The following PCSK6 variants were observed in gnomAD, a reference collection of about 807,000 sequenced individuals.
The protein encoded by PCSK6 is paired basic amino acid cleaving enzyme 4.
Under a neutral mutation model 123.3 loss-of-function variants are expected in PCSK6, and 85 were observed. That is an observed-to-expected ratio of 0.69 (90% CI 0.58 to 0.83). PCSK6 has a LOEUF of 0.83. Among genes scored for constraint, PCSK6 ranks in the 40% least tolerant of loss-of-function variants. The pLI, the probability that PCSK6 is intolerant of heterozygous loss-of-function variation, is 0.00. For missense variants in PCSK6, 1,191 were observed against 1,282.3 expected, an observed-to-expected ratio of 0.93 and a Z score of 1.09; for synonymous variants, 508 against 516.0, an observed-to-expected ratio of 0.98 and a Z score of 0.21.
chr15:101,336,483 G>A (rs188917305), intron 13 of PCSK6, among the ~76,000 whole-genome samples: 1 of 152,318 alleles, frequency 6.6e-6, no homozygotes, highest in African/African-American at 2.4e-5. Context: ...TGCAGCTATG[G>A]CTTACATTGC....
intron 2 of PCSK6, among the ~76,000 whole-genome samples, chr15:101,433,764 C>G (rs1366077100): frequency 2.0e-5 from 3 of 152,230 alleles, no homozygotes; most frequent in Non-Finnish European, 4.4e-5. Flanking sequence ...CCTCCCTGAG[C>G]CTTGGCCTCC....
rs1365829965 is a variant in PCSK6, at chr15:101,304,320, C to G, written c.*938G>C. ...ATATACACAGACACAGGAGTTTCCA[C>G]CTTAAAAACGAGTCTTCTGAAGGGC... is the stretch of plus-strand genomic sequence containing the variant. On this transcript the variant is annotated 3_prime_UTR_variant, in exon 22 of 22. Transcript: ENST00000611716. 3.3e-5 allele frequency: 5 copies of G among 152,466 alleles called. No individual in the cohort carries two copies. The highest frequency in any genetic ancestry group is 1.2e-4 in the African/African-American group (5 of 41,436). 9.4% of individuals were successfully genotyped at this position (152,466 alleles called of 1,614,324 possible).
At chr15:101,324,287 T>C (rs1319101262) in intron 17 of PCSK6, among the ~76,000 whole-genome samples, 3 of 152,244 alleles carry the variant, frequency 2.0e-5, no homozygotes, top group Non-Finnish European at 4.4e-5. Flanking sequence ...CTCCTTTTCA[T>C]GTCTGGAGGT....
chr15:101,333,962 A>G (rs1239739939), intron 13 of PCSK6, among the ~76,000 whole-genome samples: 1 of 152,220 alleles, frequency 6.6e-6, no homozygotes, highest in African/African-American at 2.4e-5. Flanking sequence ...GAGCCTGCAC[A>G]CTGTCCCAAG....
chr15:101,463,525 C>T (rs997586540), intron 1 of PCSK6, among the ~76,000 whole-genome samples: 5 of 152,114 alleles, frequency 3.3e-5, no homozygotes, highest in Admixed American at 1.3e-4. Context: ...CTACTATGTG[C>T]CGTATCTTTC....
chr15:101,361,704 A>T (rs765369020), intron 13 of PCSK6, among the ~76,000 whole-genome samples: 1 of 152,184 alleles, frequency 6.6e-6, no homozygotes, highest in Non-Finnish European at 1.5e-5. Context: ...GGAGGTCATT[A>T]AAGTTAGCAG....
chr15:101,368,276 C>T (rs1184167464), intron 12 of PCSK6, among the ~76,000 whole-genome samples: 2 of 152,268 alleles, frequency 1.3e-5, no homozygotes, highest in African/African-American at 4.8e-5. Flanking sequence ...AACAGGGCCC[C>T]AGGGGAGCGG....
chr15:101,450,506 C>T (rs1020759278), intron 1 of PCSK6, among the ~76,000 whole-genome samples: 15 of 152,246 alleles, frequency 9.9e-5, no homozygotes, highest in Non-Finnish European at 2.1e-4. Flanking sequence ...TCCTCCCTCC[C>T]TCCACCATAA....
intron 19 of PCSK6, among the ~76,000 whole-genome samples, chr15:101,315,757 C>G (rs1223823856): frequency 6.6e-6 from 1 of 152,256 alleles, no homozygotes; most frequent in Non-Finnish European, 1.5e-5. Context: ...CTGTCAGCTG[C>G]TAATCCACAT....
intron 1 of PCSK6, among the ~76,000 whole-genome samples, chr15:101,473,050 T>C (rs544730517): frequency 6.6e-6 from 1 of 152,168 alleles, no homozygotes; most frequent in South Asian, 2.1e-4. Context: ...ACCTCTGAGG[T>C]TTCATTTGGA....
chr15:101,388,040 A>G (rs2042119801), intron 9 of PCSK6, among the ~76,000 whole-genome samples: 1 of 152,230 alleles, frequency 6.6e-6, no homozygotes, highest in Non-Finnish European at 1.5e-5. Context: ...ACCAAGTTTA[A>G]GGGGACAATG....
At chr15:101,480,311 T>G (rs902846703) in intron 1 of PCSK6, among the ~76,000 whole-genome samples, 42 of 152,332 alleles carry the variant, frequency 2.8e-4, no homozygotes, top group African/African-American at 9.9e-4. Flanking sequence ...ATTCAGTAAA[T>G]GGGTCCATGT....
At chr15:101,465,542 G>T (rs534666741) in intron 1 of PCSK6, among the ~76,000 whole-genome samples, 2 of 152,280 alleles carry the variant, frequency 1.3e-5, no homozygotes, top group Non-Finnish European at 2.9e-5. Flanking sequence ...TATTAGAAGA[G>T]GACAGAGGGG....
intron 12 of PCSK6, among the ~76,000 whole-genome samples, chr15:101,368,344 A>T (rs893255501): frequency 1.1e-4 from 16 of 152,226 alleles, no homozygotes; most frequent in African/African-American, 2.9e-4. Flanking sequence ...GGACGTAAGC[A>T]GGACACGTAG....
intron 7 of PCSK6, among the ~76,000 whole-genome samples, chr15:101,394,988 A>T (rs776394907): frequency 6.6e-6 from 1 of 152,212 alleles, no homozygotes; most frequent in Non-Finnish European, 1.5e-5. Flanking sequence ...AGAGCTCAGG[A>T]AGGTGGTGTG....
rs561827663 is a variant in PCSK6, at chr15:101,438,621, G to T, written c.402+4935C>A. ...AGCAGCGTCAGTCCGCCTTCCCATC[G>T]CCTCTCCTCTGGTTCTGGAACACTG... On this transcript the variant is annotated intron_variant, in intron 2 of 21. Transcript: ENST00000611716. Among the ~76,000 whole-genome samples, 92 of 152,242 alleles carry T rather than the reference G, an allele frequency of 6.0e-4. 2 individuals are homozygous for T. Among genetic ancestry groups the T allele is most frequent in the African/African-American group, 1.9e-3 (80 of 41,544 alleles).
intron 1 of PCSK6, among the ~76,000 whole-genome samples, chr15:101,482,298 G>A (rs1361527328): frequency 3.3e-5 from 5 of 152,168 alleles, no homozygotes; most frequent in African/African-American, 7.2e-5. Context: ...GAGGGCCTTC[G>A]GAGCAATAGT....
At chr15:101,346,552 T>C (rs2040734641) in intron 13 of PCSK6, 1 of 297,700 alleles carries the variant, frequency 3.4e-6, no homozygotes, top group African/African-American at 2.1e-5. Flanking sequence ...TGGAAATAGG[T>C]AATAAAGTCA....
At chr15:101,392,314 G>A (rs1055232995) in intron 8 of PCSK6, among the ~76,000 whole-genome samples, 6 of 152,244 alleles carry the variant, frequency 3.9e-5, no homozygotes, top group African/African-American at 1.2e-4. Context: ...GCTGCTACCA[G>A]GCTGGCGACA....
Sources: gnomAD v4.1 joint callset for allele counts (sites outside exome capture counted in the v4.1 genomes callset) on GRCh38, gnomAD v4.1.1 for gene constraint, MANE v1.5 for transcripts, NCBI Gene and HGNC (gene_info 2026-07-23, HGNC 2026-07-21) for gene names.